OLAH: variants seen among roughly 807,000 people sequenced by gnomAD.
The protein encoded by OLAH is oleoyl-ACP hydrolase.
A neutral mutation model predicts 27.8 loss-of-function variants in OLAH; 33 were observed. The observed-to-expected ratio is 1.19, with a 90% CI of 0.90 to 1.59. OLAH has a LOEUF of 1.59. Ranked by LOEUF, OLAH falls within the 40% of genes most tolerant of loss-of-function variation. The pLI, the probability that OLAH is intolerant of heterozygous loss-of-function variation, is 0.00. For synonymous variants in OLAH, 120 were observed against 102.9 expected (o/e 1.17, Z -1.01); for missense variants, 359 against 310.8 (o/e 1.16, Z -1.17).
At chr10:15,041,283 T>TTA (rs1554812312), upstream of OLAH, among the ~76,000 whole-genome samples, 7 of 135,746 alleles carry the variant, frequency 5.2e-5, no homozygotes, top group East Asian at 5.2e-4. Flanking sequence ...TATTTTTATT[T>TTA]TTATTTTTTT....
At chr10:15,057,304 T>C (rs971848875) in intron 3 of OLAH, among the ~76,000 whole-genome samples, 2 of 152,150 alleles carry the variant, frequency 1.3e-5, no homozygotes, top group African/African-American at 4.8e-5. Flanking sequence ...TTAGCAACGC[T>C]TACTGAGAGG....
intron 3 of OLAH, among the ~76,000 whole-genome samples, chr10:15,059,849 TG>T (rs1844328132): frequency 6.6e-6 from 1 of 152,174 alleles, no homozygotes; most frequent in Admixed American, 6.5e-5. Context: ...CCATTACCTT[TG>T]TATCTATGTC....
At chr10:15,069,277 C>G (rs557719858) in intron 6 of OLAH, among the ~76,000 whole-genome samples, 1 of 152,212 alleles carries the variant, frequency 6.6e-6, no homozygotes, top group African/African-American at 2.4e-5. Flanking sequence ...CAGCAGAACT[C>G]TGCTTGGTTT....
chr10:15,059,210 G>T (rs1013778687), intron 3 of OLAH, among the ~76,000 whole-genome samples: 1 of 124,890 alleles, frequency 8.0e-6, no homozygotes, highest in African/African-American at 3.1e-5. Context: ...CCATCCATCC[G>T]TCCATCTCAT....
At chr10:15,049,892 C>A in intron 3 of OLAH, 127 bp downstream of exon 3, 1 of 848,384 alleles carries the variant, frequency 1.2e-6, no homozygotes, top group Non-Finnish European at 1.8e-6. Flanking sequence ...CAAGATTATG[C>A]TTCAATAGGG....
At chr10:15,044,818 C>T (rs997796896) in intron 1 of OLAH, among the ~76,000 whole-genome samples, 2 of 152,150 alleles carry the variant, frequency 1.3e-5, no homozygotes, top group Non-Finnish European at 2.9e-5. Context: ...TCCTCACCTC[C>T]TGGCTCCTTT....
At chr10:15,032,487 G>A (rs1017151654) in intron 1 of OLAH, 4 of 149,228 alleles carry the variant, frequency 2.7e-5, no homozygotes, top group Admixed American at 1.3e-4. Flanking sequence ...GCTATGCATC[G>A]TGGAGGGCGC....
chr10:15,073,109 A>T lies in OLAH; in HGVS notation c.678A>T (p.Gly226=). ...DMEAWKDVTS[G]NAKIYQLPGG... Reference sequence around the variant, plus strand: ...CAGCCTGGAAAGATGTAACCAGTGGAAATGCTAAAATTTACCAGCTTCCAG... The same window carrying T: ...CAGCCTGGAAAGATGTAACCAGTGGTAATGCTAAAATTTACCAGCTTCCAG... The change falls in exon 8 of 8, where the codon GGA becomes GGT. Residue 226 remains glycine, a synonymous_variant. Coordinates refer to ENST00000378228, the MANE Select transcript of OLAH (RefSeq NM_001039702.3). 6.2e-7 allele frequency: 1 copy of T among 1,613,256 alleles called. No individual in the cohort carries two copies. The highest frequency in any genetic ancestry group is 8.5e-7 in the Non-Finnish European group (1 of 1,179,744).
chr10:15,044,575 G>A (rs1843979873), intron 1 of OLAH, among the ~76,000 whole-genome samples: 1 of 151,374 alleles, frequency 6.6e-6, no homozygotes, highest in South Asian at 2.1e-4. Flanking sequence ...CTTCCATCTG[G>A]GATCATTTAC....
upstream of OLAH, among the ~76,000 whole-genome samples, chr10:15,040,165 C>A (rs777579740): frequency 2.6e-5 from 4 of 152,198 alleles, no homozygotes; most frequent in Non-Finnish European, 5.9e-5. Flanking sequence ...CCCTCTCCTG[C>A]TGTCCCTTTG....
intron 3 of OLAH, among the ~76,000 whole-genome samples, chr10:15,057,605 C>G (rs1333920630): frequency 1.3e-5 from 2 of 152,042 alleles, no homozygotes; most frequent in Non-Finnish European, 2.9e-5. Flanking sequence ...AGGCTGGACT[C>G]AAACTCCTGA....
chr10:15,044,708 G>A (rs542299714), intron 1 of OLAH, among the ~76,000 whole-genome samples: 59 of 152,118 alleles, frequency 3.9e-4, no homozygotes, highest in Non-Finnish European at 6.2e-4. Flanking sequence ...TTTTTACTGG[G>A]TATAGAATTC....
At chr10:15,049,180 C>T (rs958381443) in intron 2 of OLAH, among the ~76,000 whole-genome samples, 3 of 135,626 alleles carry the variant, frequency 2.2e-5, no homozygotes, top group African/African-American at 8.4e-5. Context: ...GTCACTGAGA[C>T]TGGAATTCAG....
At chr10:15,043,021 C>T (rs917426252), upstream of OLAH, among the ~76,000 whole-genome samples, 3 of 151,850 alleles carry the variant, frequency 2.0e-5, no homozygotes, top group Admixed American at 6.6e-5. Context: ...CCACCACACC[C>T]AGCTAATTTT....
intron 1 of OLAH, among the ~76,000 whole-genome samples, chr10:15,034,400 TGG>T (rs1843808979): frequency 6.6e-6 from 1 of 152,156 alleles, no homozygotes; most frequent in Non-Finnish European, 1.5e-5. Context: ...CCCAGAGTAC[TGG>T]GATTACAGGA....
chr10:15,065,673 G>A lies in OLAH; in HGVS notation c.492G>A (p.Lys164=). The A allele has an allele frequency of 1.9e-6, 3 of 1,614,146 alleles. No homozygotes were observed. The highest frequency in any genetic ancestry group is 2.5e-6 in the Non-Finnish European group (3 of 1,180,008). Reference sequence around the variant, plus strand: ...TTATGGAATTTGGAGGCACCCCCAAGCATTTTGCTGAAGCCAAGGAATTTG... The same window carrying A: ...TTATGGAATTTGGAGGCACCCCCAAACATTTTGCTGAAGCCAAGGAATTTG... ...HYLMEFGGTP[K]HFAEAKEFVK... The change falls in exon 6 of 8, where the codon AAG becomes AAA. Residue 164 remains lysine (K), a synonymous_variant. Coordinates refer to ENST00000378228, the MANE Select transcript of OLAH (RefSeq NM_001039702.3).
rs35201278 is a variant in OLAH, at chr10:15,051,078, A to AT, written c.163+1328dup. Among the ~76,000 whole-genome samples the AT allele has an allele frequency of 2.3e-3, 310 of 134,834 alleles. 1 individual carries two copies. The highest frequency in any genetic ancestry group is 6.6e-3 in the African/African-American group (230 of 35,036). The allele number at this position is 134,834 out of a possible 152,430, so 88.5% of individuals were successfully genotyped here. On this transcript the variant is annotated intron_variant, in intron 3 of 7. Transcript: ENST00000378228. ...AAGACTGTTTATTATTATTATTATT[A>AT]TTTTTTTTTTTTTTTGAGATGGAGT...
chr10:15,049,032 G>A (rs1019675397), intron 2 of OLAH, among the ~76,000 whole-genome samples: 10 of 151,694 alleles, frequency 6.6e-5, no homozygotes, highest in African/African-American at 2.2e-4. Flanking sequence ...GAACCTGGAA[G>A]GTGGAGGTTG....
chr10:15,060,174 T>C (rs1844335711), intron 3 of OLAH, among the ~76,000 whole-genome samples: 1 of 151,972 alleles, frequency 6.6e-6, no homozygotes, highest in Non-Finnish European at 1.5e-5. Flanking sequence ...TTAATTTTCT[T>C]TTTTTTTATT....
Sources: gnomAD v4.1 joint callset for allele counts (sites outside exome capture counted in the v4.1 genomes callset) on GRCh38, gnomAD v4.1.1 for gene constraint, MANE v1.5 for transcripts, NCBI Gene and HGNC (gene_info 2026-07-23, HGNC 2026-07-21) for gene names.